ENPEP: variants seen among roughly 807,000 people sequenced by gnomAD.
The protein encoded by ENPEP is AP-A.
In ENPEP, 103 loss-of-function variants were observed where a neutral mutation model predicts 114.5. The ratio of observed to expected loss-of-function variants is 0.90; its 90% CI spans 0.77 to 1.06. The LOEUF (loss-of-function observed/expected upper bound fraction) is 1.06, where lower values mean the gene tolerates loss of function less well. ENPEP is among the 50% of genes least tolerant of loss of function. ENPEP has a pLI of 0.00. For missense variants in ENPEP, 1,196 were observed against 1,161.3 expected (o/e 1.03, Z -0.43); for synonymous variants, 420 against 422.0 (o/e 1.00, Z 0.06).
chr4:110,524,179 TA>T (rs556439920), intron 10 of ENPEP, among the ~76,000 whole-genome samples: 137 of 152,098 alleles, frequency 9.0e-4, no homozygotes, highest in Non-Finnish European at 1.8e-3. Flanking sequence ...ATTGTCTAAA[TA>T]AAACAACAGA....
intron 10 of ENPEP, among the ~76,000 whole-genome samples, chr4:110,522,873 G>A (rs947866817): frequency 1.3e-5 from 2 of 152,062 alleles, no homozygotes; most frequent in African/African-American, 4.8e-5. Flanking sequence ...AGTTACTTAA[G>A]GCTGCACTTT....
chr4:110,506,756 A>T lies in ENPEP; in HGVS notation c.1038A>T (p.Leu346Phe). ...YFAMNYSLPK[L>F]DKIAIPDFGT... ...CTATGAATTATTCTCTTCCTAAATTAGGTGAGGATCATTTTTTAATTTTCT... is the reference window on the plus strand; with the variant it reads ...CTATGAATTATTCTCTTCCTAAATTTGGTGAGGATCATTTTTTAATTTTCT... Residue 346 changes from leucine to phenylalanine, a missense_variant and splice_region_variant, in exon 4 of 20, where the codon TTA (leucine) becomes TTT (phenylalanine). Physicochemically the swap from Leu to Phe is conservative, Grantham distance 22. Transcript: ENST00000265162. 1.3e-6 allele frequency: 2 copies of T among 1,548,014 alleles called. No individual in the cohort carries two copies. Among genetic ancestry groups the T allele is most frequent in the Non-Finnish European group, 1.8e-6 (2 of 1,136,076 alleles).
intron 11 of ENPEP, among the ~76,000 whole-genome samples, chr4:110,537,512 C>T (rs762996591): frequency 6.6e-6 from 1 of 152,184 alleles, no homozygotes; most frequent in Non-Finnish European, 1.5e-5. Context: ...TTCTAGCTCT[C>T]TTGCTATTTT....
chr4:110,516,253 T>A (rs747782481), intron 8 of ENPEP, among the ~76,000 whole-genome samples: 9 of 152,320 alleles, frequency 5.9e-5, no homozygotes, highest in Non-Finnish European at 1.3e-4. Context: ...TCTGAAACAT[T>A]TCACACATCC....
At chr4:110,549,278 TATA>T (rs1186560757) in intron 14 of ENPEP, 65 bp from the exon 15 acceptor site, 19 of 1,243,910 alleles carry the variant, frequency 1.5e-5, no homozygotes, top group Middle Eastern at 2.2e-4. Context: ...GGCTGCTGAG[TATA>T]ATAATTGGGA....
At chr4:110,484,924 C>CGCAT (rs1358581994) in intron 1 of ENPEP, among the ~76,000 whole-genome samples, 1 of 151,696 alleles carries the variant, frequency 6.6e-6, no homozygotes, top group Non-Finnish European at 1.5e-5. Context: ...CGCGCATGCA[C>CGCAT]GCACGCACAC....
intron 1 of ENPEP, among the ~76,000 whole-genome samples, chr4:110,480,663 A>G (rs1207325967): frequency 6.6e-6 from 1 of 152,228 alleles, no homozygotes; most frequent in Admixed American, 6.5e-5. Flanking sequence ...CTGCAAATAC[A>G]ATCAGGACTT....
intron 10 of ENPEP, among the ~76,000 whole-genome samples, chr4:110,524,284 G>T (rs920445326): frequency 6.6e-6 from 1 of 152,124 alleles, no homozygotes; most frequent in African/African-American, 2.4e-5. Context: ...GGAAGGGTGA[G>T]TAAGGAGATG....
At chr4:110,483,717 G>A (rs1345354664) in intron 1 of ENPEP, among the ~76,000 whole-genome samples, 12 of 152,156 alleles carry the variant, frequency 7.9e-5, no homozygotes, top group Non-Finnish European at 1.0e-4. Flanking sequence ...TTTGCCTGGC[G>A]CGATAATTAT....
At chr4:110,553,828 C>G (rs1048879969) in intron 18 of ENPEP, among the ~76,000 whole-genome samples, 1 of 151,906 alleles carries the variant, frequency 6.6e-6, no homozygotes, top group Non-Finnish European at 1.5e-5. Context: ...AATTATTGGA[C>G]CTGGGTTCAA....
intron 11 of ENPEP, among the ~76,000 whole-genome samples, chr4:110,534,555 C>T (rs1171980287): frequency 2.0e-4 from 25 of 122,606 alleles, no homozygotes; most frequent in African/African-American, 5.1e-4. Context: ...TTGCCCAGGC[C>T]GGAGTGCAGT....
chr4:110,513,383 C>A (rs1210957052), intron 6 of ENPEP, 32 bp from the exon 7 acceptor site: 1 of 1,601,618 alleles, frequency 6.2e-7, no homozygotes, highest in South Asian at 1.1e-5. Flanking sequence ...AAAGGAAATA[C>A]TATATTCCTT....
intron 10 of ENPEP, among the ~76,000 whole-genome samples, chr4:110,527,303 A>C (rs1013640671): frequency 2.0e-5 from 3 of 152,160 alleles, no homozygotes; most frequent in Non-Finnish European, 4.4e-5. Context: ...CTCTTCCTGG[A>C]AACCTCAGAC....
intron 18 of ENPEP, among the ~76,000 whole-genome samples, chr4:110,556,227 T>G (rs147516004): frequency 0.016 from 2,499 of 152,082 alleles, 23 homozygotes; most frequent in Middle Eastern, 0.041. Flanking sequence ...TTGCACAAAA[T>G]GCATACAAAC....
intron 11 of ENPEP, among the ~76,000 whole-genome samples, chr4:110,537,916 A>G (rs1726702099): frequency 6.6e-6 from 1 of 152,208 alleles, no homozygotes; most frequent in South Asian, 2.1e-4. Context: ...TACTATTTTG[A>G]AAGGAATCTT....
chr4:110,550,172 C>T (rs899151280), intron 17 of ENPEP, among the ~76,000 whole-genome samples: 2 of 152,072 alleles, frequency 1.3e-5, no homozygotes, highest in Non-Finnish European at 2.9e-5. Flanking sequence ...CAATGATCGA[C>T]ATGTTGGATG....
chr4:110,534,863 A>G (rs909630859), intron 11 of ENPEP, among the ~76,000 whole-genome samples: 2 of 151,626 alleles, frequency 1.3e-5, no homozygotes, highest in Admixed American at 6.6e-5. Flanking sequence ...CAAACTACAC[A>G]TATTTCTTGT....
intron 7 of ENPEP, among the ~76,000 whole-genome samples, chr4:110,514,509 G>A (rs1725689237): frequency 6.6e-6 from 1 of 151,684 alleles, no homozygotes; most frequent in Non-Finnish European, 1.5e-5. Flanking sequence ...TCCACTTATA[G>A]CCTATTCTAA....
At chr4:110,528,328 G>A (rs1336463736) in intron 10 of ENPEP, among the ~76,000 whole-genome samples, 1 of 152,112 alleles carries the variant, frequency 6.6e-6, no homozygotes, top group Non-Finnish European at 1.5e-5. Flanking sequence ...AACCATTATA[G>A]CAAAAGGATT....
Sources: allele counts gnomAD v4.1 joint callset (sites outside exome capture counted in the v4.1 genomes callset), GRCh38; gene constraint gnomAD v4.1.1; transcripts MANE v1.5; gene names NCBI Gene and HGNC (gene_info 2026-07-23, HGNC 2026-07-21).